MGAT4C: variants seen among roughly 807,000 people sequenced by gnomAD.
The protein encoded by MGAT4C is alpha-1,3-mannosyl-glycoprotein 4-beta-N-acetylglucosaminyltransferase C.
MGAT4C carries 19 observed loss-of-function variants against 40.1 expected under a neutral mutation model. The ratio of observed to expected loss-of-function variants is 0.47; its 90% confidence interval spans 0.33 to 0.70. MGAT4C has a LOEUF of 0.70. MGAT4C is among the 30% of genes least tolerant of loss of function. The pLI is 0.02. For synonymous variants in MGAT4C, 181 were observed against 187.1 expected, an observed-to-expected ratio of 0.97 and a Z score of 0.27; for missense variants, 491 against 563.2, an observed-to-expected ratio of 0.87 and a Z score of 1.30.
intron 1 of MGAT4C, among the ~76,000 whole-genome samples, chr12:86,760,540 G>T (rs1246792044): frequency 6.6e-6 from 1 of 151,502 alleles, no homozygotes; most frequent in Non-Finnish European, 1.5e-5. Flanking sequence ...CCTAAGAAAA[G>T]AACAAACAAA....
intron 2 of MGAT4C, among the ~76,000 whole-genome samples, chr12:86,551,119 G>T (rs968803478): frequency 4.6e-5 from 7 of 151,986 alleles, no homozygotes; most frequent in Non-Finnish European, 8.8e-5. Context: ...ATCCAGGCTA[G>T]AAAAATAGCC....
intron 1 of MGAT4C, among the ~76,000 whole-genome samples, chr12:86,059,680 A>C (rs1893746034): frequency 6.6e-6 from 1 of 152,202 alleles, no homozygotes; most frequent in Non-Finnish European, 1.5e-5. Flanking sequence ...TGTAGTAGGC[A>C]GATCTTTTAG....
chr12:86,576,513 A>G (rs1960564344), intron 2 of MGAT4C, among the ~76,000 whole-genome samples: 1 of 151,774 alleles, frequency 6.6e-6, no homozygotes, highest in South Asian at 2.1e-4. Context: ...TGAGAGAAAG[A>G]AGTCTAGTTT....
chr12:86,603,469 T>A (rs1961876258), intron 2 of MGAT4C, among the ~76,000 whole-genome samples: 1 of 122,570 alleles, frequency 8.2e-6, no homozygotes, highest in African/African-American at 3.2e-5. Context: ...TAATATATAC[T>A]ATATATAGTC....
chr12:86,268,172 G>A (rs1352606384), intron 4 of MGAT4C, among the ~76,000 whole-genome samples: 1 of 152,038 alleles, frequency 6.6e-6, no homozygotes, highest in Non-Finnish European at 1.5e-5. Flanking sequence ...GCTACTGATG[G>A]CCTTAGAAAT....
chr12:86,618,361 G>A (rs1962526766), intron 2 of MGAT4C, among the ~76,000 whole-genome samples: 1 of 152,060 alleles, frequency 6.6e-6, no homozygotes, highest in African/African-American at 2.4e-5. Flanking sequence ...CAGTATATCA[G>A]AAGGATACTT....
intron 2 of MGAT4C, among the ~76,000 whole-genome samples, chr12:86,590,234 A>G (rs1309331105): frequency 6.6e-6 from 1 of 150,480 alleles, no homozygotes; most frequent in Non-Finnish European, 1.5e-5. Flanking sequence ...AATCATGACC[A>G]TTTACCAAGG....
At chr12:86,602,753 G>T (rs1480761160) in intron 2 of MGAT4C, among the ~76,000 whole-genome samples, 1 of 152,012 alleles carries the variant, frequency 6.6e-6, no homozygotes, top group Non-Finnish European at 1.5e-5. Flanking sequence ...CCTGTAATGA[G>T]TTGATTTAAT....
At chr12:86,304,373 T>C (rs1019085164) in intron 4 of MGAT4C, among the ~76,000 whole-genome samples, 2 of 150,526 alleles carry the variant, frequency 1.3e-5, no homozygotes, top group Non-Finnish European at 2.9e-5. Context: ...GAAACAATCA[T>C]TTACATACTC....
intron 1 of MGAT4C, among the ~76,000 whole-genome samples, chr12:86,777,069 T>C (rs1375181045): frequency 2.0e-5 from 3 of 152,194 alleles, no homozygotes; most frequent in South Asian, 4.1e-4. Context: ...GCAAGACTAA[T>C]ATAAAAAATT....
chr12:86,559,874 T>C (rs1415424773), intron 2 of MGAT4C, among the ~76,000 whole-genome samples: 1 of 151,946 alleles, frequency 6.6e-6, no homozygotes, highest in Non-Finnish European at 1.5e-5. Flanking sequence ...TTGTTGTGTG[T>C]GTGTTTTTAA....
At chr12:86,698,632 T>C (rs1950301468) in intron 2 of MGAT4C, among the ~76,000 whole-genome samples, 2 of 152,022 alleles carry the variant, frequency 1.3e-5, no homozygotes, top group South Asian at 4.2e-4. Context: ...TGTCAAAAAA[T>C]TGCTGGAATA....
intron 1 of MGAT4C, among the ~76,000 whole-genome samples, chr12:86,070,089 ATT>A (rs369712667): frequency 3.5e-5 from 5 of 142,416 alleles, no homozygotes; most frequent in Admixed American, 7.1e-5. Context: ...TTTGCATTGG[ATT>A]TTTTTTTTTT....
intron 2 of MGAT4C, among the ~76,000 whole-genome samples, chr12:86,478,801 G>C (rs1033402266): frequency 2.6e-5 from 4 of 151,926 alleles, no homozygotes; most frequent in African/African-American, 9.7e-5. Context: ...AAGAAACTGA[G>C]GAAGGGATAT....
Position 86,826,922 on chromosome 12 carries a change from T to C in MGAT4C, c.-262+11744A>G, listed in dbSNP as rs1952820104. 2.0e-5 allele frequency among the ~76,000 whole-genome samples: 3 copies of C among 151,558 alleles called. No homozygotes were observed. The South Asian group carries it at 6.2e-4, about 31-fold the overall frequency. On this transcript the variant is annotated intron_variant, in intron 1 of 7. Transcript: ENST00000548651. ...ATTTTTTTTGTTCAAAAAGAATGATTGTAAAGCCAATTAAAGAAGCTTTCT... is the reference window on the plus strand; with the variant it reads ...ATTTTTTTTGTTCAAAAAGAATGATCGTAAAGCCAATTAAAGAAGCTTTCT...
intron 1 of MGAT4C, among the ~76,000 whole-genome samples, chr12:86,777,450 C>T (rs1382244704): frequency 8.5e-5 from 13 of 152,120 alleles, no homozygotes; most frequent in Non-Finnish European, 1.9e-4. Context: ...ACCTCTTTCA[C>T]AAGTTGCTTT....
In MGAT4C at chr12:86,152,688, A is replaced by G. The variant is rs1884442169; in HGVS notation, c.-56-102965T>C. 2.0e-5 allele frequency among the ~76,000 whole-genome samples: 3 copies of G among 152,144 alleles called. No individual in the cohort carries two copies. The South Asian group carries it at 6.2e-4, about 32-fold the overall frequency. On this transcript the variant is annotated intron_variant, in intron 1 of 4. Transcript: ENST00000611864. ...TTTATTCACATGACATGCATTCAAC[A>G]AGTATTTAGTGATTTAGCAAGTGGC... is the stretch of plus-strand genomic sequence containing the variant.
intron 2 of MGAT4C, among the ~76,000 whole-genome samples, chr12:86,542,759 A>T (rs376038533): frequency 3.3e-5 from 5 of 152,316 alleles, no homozygotes; most frequent in African/African-American, 1.2e-4. Context: ...TGTCTGTATC[A>T]GTTTTCACTG....
chr12:86,193,733 A>T (rs1889776628), intron 1 of MGAT4C, among the ~76,000 whole-genome samples: 1 of 152,134 alleles, frequency 6.6e-6, no homozygotes, highest in Admixed American at 6.6e-5. Flanking sequence ...GCTATAGATG[A>T]CATTGTTGCT....
Sources: allele counts gnomAD v4.1 joint callset (sites outside exome capture counted in the v4.1 genomes callset), GRCh38; gene constraint gnomAD v4.1.1; transcripts MANE v1.5; gene names NCBI Gene and HGNC (gene_info 2026-07-23, HGNC 2026-07-21).